SLC26A7: variants seen among roughly 807,000 people sequenced by gnomAD.
SLC26A7 encodes anion exchange transporter.
SLC26A7 carries 59 observed loss-of-function variants against 82.5 expected under a neutral mutation model. The ratio of observed to expected loss-of-function variants is 0.72; its 90% CI spans 0.58 to 0.89. The LOEUF (loss-of-function observed/expected upper bound fraction) is 0.89, where lower values mean the gene tolerates loss of function less well. Among genes scored for constraint, SLC26A7 ranks in the 40% least tolerant of loss-of-function variants. The pLI is 0.00. For missense variants in SLC26A7, 820 were observed against 793.0 expected, an observed-to-expected ratio of 1.03 and a Z score of -0.41; for synonymous variants, 271 against 274.3, an observed-to-expected ratio of 0.99 and a Z score of 0.12.
chr8:91,263,510 A>G (rs940872407), intron 2 of SLC26A7, among the ~76,000 whole-genome samples: 2 of 152,128 alleles, frequency 1.3e-5, no homozygotes, highest in Non-Finnish European at 2.9e-5. Context: ...TGAAGATGCC[A>G]TCTTAAGAGA....
Position 91,318,255 on chromosome 8 carries a change from G to A in SLC26A7, c.517G>A (p.Val173Met), listed in dbSNP as rs772609318. 1 of 1,606,100 alleles carries A rather than the reference G, an allele frequency of 6.2e-7. No homozygotes were observed. Among genetic ancestry groups the A allele is most frequent in the African/African-American group, 1.3e-5 (1 of 74,686 alleles). ...FVLQLGSATFVVTEPVISAMT... is the reference protein window; with the variant it reads ...FVLQLGSATFMVTEPVISAMT... ...GCTGCAACTGGGCAGTGCCACATTT[G>A]TGGTCACAGAGCCTGTGATCAGCGC... Residue 173 changes from valine (V) to methionine (M), a missense_variant, in exon 5 of 19, where the codon GTG (valine) becomes ATG (methionine). By Grantham distance (21) the Val-to-Met change is conservative (BLOSUM62 1). Transcript: ENST00000276609.
chr8:91,314,629 C>A (rs1423377832), intron 4 of SLC26A7, among the ~76,000 whole-genome samples: 1 of 152,130 alleles, frequency 6.6e-6, no homozygotes, highest in East Asian at 1.9e-4. Flanking sequence ...AGTTAAACCT[C>A]ATATGTTTTT....
At chr8:91,374,857 C>T (rs913246140) in intron 15 of SLC26A7, among the ~76,000 whole-genome samples, 1 of 151,914 alleles carries the variant, frequency 6.6e-6, no homozygotes, top group Non-Finnish European at 1.5e-5. Context: ...TATCATCTGG[C>T]CACTGTCCCT....
At position 91,318,239 on chromosome 8, in the gene SLC26A7, G is replaced by A. The variant is rs781119312; in HGVS notation, c.501G>A (p.Leu167=). ...VIQVAMFVLQ[L]GSATFVVTEP... ...AGGTGGCCATGTTTGTGCTGCAACT[G>A]GGCAGTGCCACATTTGTGGTCACAG... The change falls in exon 5 of 19, where the codon CTG becomes CTA. Residue 167 remains leucine, a synonymous_variant. Transcript: ENST00000276609. The A allele has an allele frequency of 1.3e-5, 21 of 1,602,022 alleles. 1 individual carries two copies. The South Asian group carries it at 2.2e-4, about 17-fold the overall frequency.
At chr8:91,262,316 T>C (rs1810990748) in intron 2 of SLC26A7, among the ~76,000 whole-genome samples, 1 of 151,988 alleles carries the variant, frequency 6.6e-6, no homozygotes, top group East Asian at 1.9e-4. Flanking sequence ...GTATCTGACG[T>C]TTAGGCAAAA....
At chr8:91,371,674 G>C (rs1814366552) in intron 15 of SLC26A7, among the ~76,000 whole-genome samples, 1 of 151,932 alleles carries the variant, frequency 6.6e-6, no homozygotes, top group African/African-American at 2.4e-5. Context: ...ATTGTGAATA[G>C]TACTGTGATA....
At chr8:91,253,337 C>T (rs1034577254) in intron 2 of SLC26A7, among the ~76,000 whole-genome samples, 1 of 152,072 alleles carries the variant, frequency 6.6e-6, no homozygotes, top group East Asian at 1.9e-4. Context: ...CACTAGCATA[C>T]GACCAGCTGC....
At chr8:91,386,424 T>A (rs1162427348) in intron 15 of SLC26A7, among the ~76,000 whole-genome samples, 1 of 152,172 alleles carries the variant, frequency 6.6e-6, no homozygotes, top group Non-Finnish European at 1.5e-5. Flanking sequence ...TTTTGAAATA[T>A]GTACTATTTT....
chr8:91,218,963 A>T, exon 2 of SLC26A7: 1 of 1,551,146 alleles, frequency 6.4e-7, no homozygotes, highest in South Asian at 1.2e-5. Context: ...TGTTTTACTC[A>T]ACGTGACCCT....
At chr8:91,375,699 G>A (rs1814493619) in intron 15 of SLC26A7, among the ~76,000 whole-genome samples, 1 of 147,992 alleles carries the variant, frequency 6.8e-6, no homozygotes, top group Non-Finnish European at 1.5e-5. Flanking sequence ...TGGGTAGTCT[G>A]ATGACTCTGC....
intron 9 of SLC26A7, among the ~76,000 whole-genome samples, chr8:91,351,161 C>T (rs992691932): frequency 3.3e-5 from 5 of 152,056 alleles, no homozygotes; most frequent in African/African-American, 1.2e-4. Context: ...AGTTCTCCAT[C>T]AAGTGGAACA....
rs544680400 is a variant in SLC26A7, at chr8:91,391,257, A to G, written c.1776+1819A>G. On this transcript the variant is annotated intron_variant, in intron 16 of 18. Transcript: ENST00000276609. Reference sequence around the variant, plus strand: ...TATGTGGAAGTCACAGCATAGTCCCAGCTGCATCACACTAGCTAAGGTGTG... The same window carrying G: ...TATGTGGAAGTCACAGCATAGTCCCGGCTGCATCACACTAGCTAAGGTGTG... 2.0e-5 allele frequency among the ~76,000 whole-genome samples: 3 copies of G among 152,334 alleles called. No individual in the cohort carries two copies. The South Asian group carries it at 6.2e-4, about 32-fold the overall frequency.
At chr8:91,369,689 T>C in intron 14 of SLC26A7, 96 bp from the exon 15 acceptor site, 1 of 890,532 alleles carries the variant, frequency 1.1e-6, no homozygotes, top group Non-Finnish European at 1.7e-6. Flanking sequence ...ATGAGTTTTT[T>C]TGTTATTCTT....
rs375559255 is a variant in SLC26A7, at chr8:91,294,743, A to G, written c.305-788A>G. On this transcript the variant is annotated intron_variant, in intron 3 of 18. Coordinates refer to ENST00000276609, the MANE Select transcript of SLC26A7 (RefSeq NM_052832.4). The stretch of plus-strand genomic sequence containing the variant: ...GATGAGAGGCTTCAGAACTCTTGAC[A>G]GGAAGAGGGGAACACACTGAAAATG... 1.7e-4 allele frequency among the ~76,000 whole-genome samples: 26 copies of G among 152,314 alleles called. No homozygotes were observed. In the East Asian group the frequency reaches 3.5e-3, roughly 20 times the overall value.
intron 15 of SLC26A7, among the ~76,000 whole-genome samples, chr8:91,388,122 C>A (rs1245086522): frequency 6.6e-6 from 1 of 152,088 alleles, no homozygotes; most frequent in Non-Finnish European, 1.5e-5. Context: ...TTTTTTAAAT[C>A]TGTAAGCAGG....
At chr8:91,214,745 C>T (rs1226011754) in intron 1 of SLC26A7, among the ~76,000 whole-genome samples, 1 of 151,988 alleles carries the variant, frequency 6.6e-6, no homozygotes, top group Non-Finnish European at 1.5e-5. Flanking sequence ...AACATGATAA[C>T]AGTATTAGTT....
chr8:91,355,406 G>A (rs1031856786), intron 11 of SLC26A7, among the ~76,000 whole-genome samples: 10 of 151,686 alleles, frequency 6.6e-5, no homozygotes, highest in African/African-American at 1.9e-4. Context: ...AATTTTGTTT[G>A]TTTTTACTTT....
intron 1 of SLC26A7, among the ~76,000 whole-genome samples, chr8:91,218,131 G>A (rs1810088070): frequency 6.6e-6 from 1 of 152,072 alleles, no homozygotes; most frequent in East Asian, 1.9e-4. Flanking sequence ...TTGGCCAAAT[G>A]GTTTCATGGT....
At chr8:91,351,019 A>T (rs954948216) in intron 9 of SLC26A7, among the ~76,000 whole-genome samples, 1 of 152,072 alleles carries the variant, frequency 6.6e-6, no homozygotes, top group Non-Finnish European at 1.5e-5. Context: ...ACTAGGTCCA[A>T]ATTCCCTTTG....
Sources: gnomAD v4.1 joint callset for allele counts (sites outside exome capture counted in the v4.1 genomes callset) on GRCh38, gnomAD v4.1.1 for gene constraint, MANE v1.5 for transcripts, NCBI Gene and HGNC (gene_info 2026-07-23, HGNC 2026-07-21) for gene names.